VPS8: variants seen among roughly 807,000 people sequenced by gnomAD.
VPS8 encodes VPS8 subunit of CORVET complex, also known as vacuolar protein sorting-associated protein 8 homolog.
Under a neutral mutation model 216.4 loss-of-function variants are expected in VPS8, and 129 were observed. The observed-to-expected ratio is 0.60, with a 90% CI of 0.52 to 0.69. The LOEUF (loss-of-function observed/expected upper bound fraction) is 0.69. Ranked by LOEUF, VPS8 falls within the 30% of genes least tolerant of loss-of-function variation. The pLI, the probability that VPS8 is intolerant of heterozygous loss-of-function variation, is 0.00. For missense variants in VPS8, 1,531 were observed against 1,683.5 expected, an observed-to-expected ratio of 0.91 and a Z score of 1.59; for synonymous variants, 571 against 565.4, an observed-to-expected ratio of 1.01 and a Z score of -0.14.
chr3:184,960,126 A>T (rs1012494511), intron 37 of VPS8, among the ~76,000 whole-genome samples: 2 of 152,092 alleles, frequency 1.3e-5, no homozygotes, highest in African/African-American at 4.8e-5. Flanking sequence ...GCTGAGAATG[A>T]TGGTTTCCAG....
intron 42 of VPS8, among the ~76,000 whole-genome samples, chr3:184,986,449 A>T (rs1751083816): frequency 1.3e-5 from 2 of 152,158 alleles, no homozygotes; most frequent in African/African-American, 4.8e-5. Flanking sequence ...CAGAGGAATG[A>T]CTCAGACACA....
At chr3:184,893,156 C>A in intron 22 of VPS8, 1 of 717,168 alleles carries the variant, frequency 1.4e-6, no homozygotes, top group Non-Finnish European at 1.8e-6. Context: ...TAGAATGTTG[C>A]AAATGCTGTT....
rs535023255 is a variant in VPS8, at chr3:185,001,088, A to G, written c.4002+1227A>G. 3.9e-5 allele frequency among the ~76,000 whole-genome samples: 6 copies of G among 152,330 alleles called. No individual in the cohort carries two copies. In the East Asian group the frequency reaches 9.7e-4, roughly 25 times the overall value. ...GGCACTGTGCCAGGTGCCTGGGGAT[A>G]CAATGGTAGACAAGGCAAACATGGT... On this transcript the variant is annotated intron_variant, in intron 45 of 47. Transcript: ENST00000625842.
rs541294262 is a variant in VPS8 at position 184,849,819 on chromosome 3, G to A, written c.667-117G>A. On this transcript the variant is annotated intron_variant, in intron 9 of 47. Transcript: ENST00000625842. ...CCTTTAGGTATGTTTTAACTTTATA[G>A]TTCTTTGCCTGCAATGTTTATAGTC... is the stretch of plus-strand genomic sequence containing the variant. 22 of 766,250 alleles carry A rather than the reference G, an allele frequency of 2.9e-5. No individual in the cohort carries two copies. The African/African-American group carries it at 3.5e-4, about 12-fold the overall frequency. 47.5% of individuals were successfully genotyped at this position (766,250 alleles called of 1,614,324 possible). A position where few individuals can be genotyped will look rare whatever the true frequency, so the allele number is the denominator to read the frequency against.
rs73885655 is a variant in VPS8, at chr3:185,051,516, T to C, written c.4138-360T>C. ...ACAGAGCTCCTCAGCCCAGGGCGCG[T>C]CCACAGGGAGAGAAGGGTGGCAGCA... On this transcript the variant is annotated intron_variant, in intron 47 of 47. Coordinates refer to ENST00000625842, the MANE Select transcript of VPS8 (RefSeq NM_001009921.3). 2.6e-3 allele frequency among the ~76,000 whole-genome samples: 394 copies of C among 152,088 alleles called. 2 individuals are homozygous for C. Among genetic ancestry groups the C allele is most frequent in the African/African-American group, 9.0e-3 (373 of 41,470 alleles).
At chr3:184,940,994 A>T (rs1235828419) in intron 36 of VPS8, among the ~76,000 whole-genome samples, 1 of 152,206 alleles carries the variant, frequency 6.6e-6, no homozygotes, top group Non-Finnish European at 1.5e-5. Flanking sequence ...AATCACTGGG[A>T]GTTGGAATAT....
chr3:184,896,157 A>G (rs970195072), intron 23 of VPS8, among the ~76,000 whole-genome samples: 2 of 152,142 alleles, frequency 1.3e-5, no homozygotes, highest in Non-Finnish European at 2.9e-5. Flanking sequence ...AAGTAAAGCC[A>G]GATCCTGTTT....
chr3:185,019,106 A>G (rs564905224), intron 45 of VPS8, among the ~76,000 whole-genome samples: 1 of 152,296 alleles, frequency 6.6e-6, no homozygotes, highest in African/African-American at 2.4e-5. Flanking sequence ...AAAAGGTTCC[A>G]AGGTGGAACA....
chr3:185,048,774 C>T (rs528068547), intron 47 of VPS8, among the ~76,000 whole-genome samples: 73 of 152,238 alleles, frequency 4.8e-4, no homozygotes, highest in African/African-American at 1.7e-3. Flanking sequence ...CTGTCCCCTA[C>T]GTACCATGAG....
intron 4 of VPS8, among the ~76,000 whole-genome samples, chr3:184,833,234 C>T (rs79544006): frequency 0.032 from 4,829 of 151,992 alleles, 90 homozygotes; most frequent in Non-Finnish European, 0.046. Context: ...ATCACAAAGA[C>T]GATTAAAAAT....
chr3:184,888,937 A>G (rs6795236), intron 22 of VPS8, among the ~76,000 whole-genome samples: 25,090 of 152,208 alleles, frequency 0.16, 2,289 homozygotes, highest in African/African-American at 0.23. Flanking sequence ...GAATACTGTC[A>G]CAGTGACATA....
chr3:185,043,424 T>C (rs1172598175), intron 46 of VPS8, among the ~76,000 whole-genome samples: 1 of 152,106 alleles, frequency 6.6e-6, no homozygotes, highest in East Asian at 1.9e-4. Flanking sequence ...GAAAGAGCCT[T>C]GTAAGGTAGG....
At chr3:184,926,079 A>C (rs1739560007) in intron 30 of VPS8, among the ~76,000 whole-genome samples, 1 of 145,992 alleles carries the variant, frequency 6.8e-6, no homozygotes, top group Non-Finnish European at 1.5e-5. Context: ...CTAGCCTCTT[A>C]GAGTTATGTT....
chr3:184,847,372 A>G (rs1156683792), intron 8 of VPS8, among the ~76,000 whole-genome samples: 1 of 152,212 alleles, frequency 6.6e-6, no homozygotes, highest in Non-Finnish European at 1.5e-5. Context: ...TCTGATAACT[A>G]GATTTACTTT....
At chr3:184,890,186 C>A (rs1225875960) in intron 22 of VPS8, among the ~76,000 whole-genome samples, 1 of 152,146 alleles carries the variant, frequency 6.6e-6, no homozygotes, top group Non-Finnish European at 1.5e-5. Flanking sequence ...ACATTTGGTC[C>A]TATTTATGTC....
intron 21 of VPS8, chr3:184,882,291 A>G (rs531654315): frequency 2.3e-5 from 10 of 425,654 alleles, no homozygotes; most frequent in South Asian, 1.7e-4. Context: ...TGGATATTGA[A>G]TTTTGTCAGT....
intron 42 of VPS8, among the ~76,000 whole-genome samples, chr3:184,992,362 C>A (rs1297656348): frequency 6.6e-6 from 1 of 152,078 alleles, no homozygotes; most frequent in Non-Finnish European, 1.5e-5. Flanking sequence ...ATGTTAGAAA[C>A]CCATATTTTC....
intron 31 of VPS8, among the ~76,000 whole-genome samples, chr3:184,927,557 T>C (rs1694049518): frequency 6.6e-6 from 1 of 152,172 alleles, no homozygotes. Context: ...AGCTCCAATA[T>C]TTTTGTTTGC....
At position 184,936,229 on chromosome 3, in the gene VPS8, T is replaced by C; in HGVS notation, c.2899-17T>C. The C allele has an allele frequency of 6.3e-7, 1 of 1,593,122 alleles. No homozygotes were observed. Among genetic ancestry groups the C allele is most frequent in the Non-Finnish European group, 8.6e-7 (1 of 1,168,964 alleles). On this transcript the variant is annotated splice_polypyrimidine_tract_variant and intron_variant, in intron 34 of 47. Transcript: ENST00000625842. ...ATGAGCCATTAGAGATGGCTTTGTC[T>C]TTTCCTTTAACTCCAGGAACTCGTG...
Sources: gnomAD v4.1 joint callset for allele counts (sites outside exome capture counted in the v4.1 genomes callset) on GRCh38, gnomAD v4.1.1 for gene constraint, MANE v1.5 for transcripts, NCBI Gene and HGNC (gene_info 2026-07-23, HGNC 2026-07-21) for gene names.